WDR25: variants seen among roughly 807,000 people sequenced by gnomAD.
The protein encoded by WDR25 is WD repeat domain 25, also known as WD repeat-containing protein 25.
In WDR25, 35 loss-of-function variants were observed where a neutral mutation model predicts 47.7. The observed-to-expected ratio is 0.73, with a 90% CI of 0.56 to 0.97. The LOEUF (loss-of-function observed/expected upper bound fraction) is 0.97. Ranked by LOEUF, WDR25 falls within the 50% of genes least tolerant of loss-of-function variation. The pLI, the probability that WDR25 is intolerant of heterozygous loss-of-function variation, is 0.00. For synonymous variants in WDR25, 248 were observed against 278.9 expected (o/e 0.89, Z 1.10); for missense variants, 634 against 704.7 (o/e 0.90, Z 1.14).
intron 2 of WDR25, among the ~76,000 whole-genome samples, chr14:100,439,797 C>T (rs1898613438): frequency 6.6e-6 from 1 of 152,210 alleles, no homozygotes; most frequent in Non-Finnish European, 1.5e-5. Flanking sequence ...ATATTTTCTC[C>T]ATTCAATATA....
At chr14:100,473,527 G>A (rs985432593) in intron 3 of WDR25, among the ~76,000 whole-genome samples, 4 of 152,222 alleles carry the variant, frequency 2.6e-5, no homozygotes, top group African/African-American at 9.6e-5. Context: ...GGATAACATG[G>A]GGCCTCTGGG....
chr14:100,489,919 C>G (rs1328310694), intron 4 of WDR25, among the ~76,000 whole-genome samples: 1 of 152,168 alleles, frequency 6.6e-6, no homozygotes, highest in African/African-American at 2.4e-5. Context: ...TCCAGCATAC[C>G]CTGGTGTCAC....
chr14:100,457,705 A>C (rs899698547), intron 2 of WDR25, among the ~76,000 whole-genome samples: 3 of 152,242 alleles, frequency 2.0e-5, no homozygotes, highest in Non-Finnish European at 4.4e-5. Flanking sequence ...ACTTTCAATG[A>C]TGATTGACTG....
At chr14:100,429,377 G>A (rs1898262145) in intron 2 of WDR25, among the ~76,000 whole-genome samples, 1 of 152,180 alleles carries the variant, frequency 6.6e-6, no homozygotes, top group South Asian at 2.1e-4. Flanking sequence ...GTGAAAGAAA[G>A]AGGAGAAGAA....
intron 2 of WDR25, among the ~76,000 whole-genome samples, chr14:100,450,791 G>A (rs1306592266): frequency 2.6e-5 from 4 of 152,210 alleles, no homozygotes; most frequent in African/African-American, 9.6e-5. Context: ...TAAGAGAGTA[G>A]GAGCAGTCCA....
intron 4 of WDR25, among the ~76,000 whole-genome samples, chr14:100,522,723 C>T (rs183197328): frequency 6.5e-4 from 99 of 152,306 alleles, no homozygotes; most frequent in African/African-American, 2.2e-3. Context: ...GAAGAACAGA[C>T]GGAAGTTACT....
At chr14:100,504,867 T>A (rs1901060202) in intron 4 of WDR25, among the ~76,000 whole-genome samples, 1 of 152,206 alleles carries the variant, frequency 6.6e-6, no homozygotes, top group African/African-American at 2.4e-5. Context: ...GTCAGTTGCC[T>A]CACATTCTCA....
chr14:100,496,119 T>G (rs577338322), intron 4 of WDR25, among the ~76,000 whole-genome samples: 1 of 152,374 alleles, frequency 6.6e-6, no homozygotes, highest in African/African-American at 2.4e-5. Context: ...GCACTTGTTC[T>G]TACTTGTCTT....
intron 2 of WDR25, among the ~76,000 whole-genome samples, chr14:100,383,530 T>C (rs1404974722): frequency 1.3e-5 from 2 of 152,238 alleles, no homozygotes; most frequent in African/African-American, 4.8e-5. Context: ...ACCTGCCCGC[T>C]CACCTCTGGA....
Position 100,529,282 on chromosome 14 carries a change from C to T in WDR25, c.1413+74C>T, listed in dbSNP as rs1220378621. 3 of 1,592,754 alleles carry T rather than the reference C, an allele frequency of 1.9e-6. No homozygotes were observed. Among genetic ancestry groups the T allele is most frequent in the Admixed American group, 3.4e-5 (2 of 59,310 alleles). On this transcript the variant is annotated intron_variant, in intron 6 of 6. Transcript: ENST00000402312. The surrounding 1 kb of genome is among the most constrained non-coding windows in gnomAD (Gnocchi z 5.1). ...CCTCCTGGCAGTCCTGGACATGGGC[C>T]CTGGGGTGCATGGAGCCTCTGTCTG...
intron 2 of WDR25, among the ~76,000 whole-genome samples, chr14:100,416,473 C>T (rs568827262): frequency 6.6e-6 from 1 of 152,324 alleles, no homozygotes; most frequent in South Asian, 2.1e-4. Context: ...GATTTCTGTT[C>T]CTATCACAAA....
chr14:100,446,173 G>T lies in WDR25; in HGVS notation c.823-21848G>T, dbSNP rs1470322122. Among the ~76,000 whole-genome samples, 3 of 152,324 alleles carry T rather than the reference G, an allele frequency of 2.0e-5. No individual in the cohort carries two copies. In the East Asian group the frequency reaches 5.8e-4, roughly 29 times the overall value. ...TATAGAGGAGGAGCCTTCTGGCTTTGTGAGCTCCTGCCCCTGGGGTCCTGC... is the reference window on the plus strand; with the variant it reads ...TATAGAGGAGGAGCCTTCTGGCTTTTTGAGCTCCTGCCCCTGGGGTCCTGC... On this transcript the variant is annotated intron_variant, in intron 2 of 6. Coordinates refer to ENST00000402312, the MANE Select transcript of WDR25 (RefSeq NM_001161476.3).
intron 5 of WDR25, among the ~76,000 whole-genome samples, chr14:100,527,312 TCAC>T (rs754901503): frequency 8.6e-5 from 13 of 151,400 alleles, no homozygotes; most frequent in Admixed American, 1.3e-4. Context: ...ATTGTTATCA[TCAC>T]CACCACCACC....
chr14:100,429,511 C>A (rs945487721), intron 2 of WDR25, among the ~76,000 whole-genome samples: 2 of 152,250 alleles, frequency 1.3e-5, no homozygotes, highest in East Asian at 1.9e-4. Flanking sequence ...GGGGGAAGGC[C>A]TAGGCAGTCC....
At chr14:100,515,046 C>T (rs1901446477) in intron 4 of WDR25, among the ~76,000 whole-genome samples, 1 of 152,110 alleles carries the variant, frequency 6.6e-6, no homozygotes, top group Non-Finnish European at 1.5e-5. Context: ...CACTAGTTTG[C>T]TCTGTTTCCA....
intron 2 of WDR25, among the ~76,000 whole-genome samples, chr14:100,447,806 C>T (rs1294881810): frequency 2.6e-5 from 4 of 152,170 alleles, no homozygotes; most frequent in African/African-American, 9.7e-5. Context: ...TTGCTGTGTG[C>T]GTAGAGCTAT....
At chr14:100,484,857 C>A (rs1416671458) in intron 4 of WDR25, among the ~76,000 whole-genome samples, 3 of 152,218 alleles carry the variant, frequency 2.0e-5, no homozygotes, top group Non-Finnish European at 4.4e-5. Flanking sequence ...CCCATCTGAT[C>A]TCTCACTTTC....
At chr14:100,490,797 C>T (rs1900536607) in intron 4 of WDR25, among the ~76,000 whole-genome samples, 1 of 152,222 alleles carries the variant, frequency 6.6e-6, no homozygotes, top group African/African-American at 2.4e-5. Context: ...AAAGTGCCAT[C>T]AGTTTTGTGG....
chr14:100,476,366 A>G (rs1555393552), intron 3 of WDR25: 1 of 152,260 alleles, frequency 6.6e-6, no homozygotes, highest in Non-Finnish European at 1.5e-5. Context: ...GGCTAAATTT[A>G]TAGCTGGCTG....
Sources: allele counts gnomAD v4.1 joint callset (sites outside exome capture counted in the v4.1 genomes callset), GRCh38; gene constraint gnomAD v4.1.1; non-coding constraint Gnocchi (gnomAD v3.1); transcripts MANE v1.5; gene names NCBI Gene and HGNC (gene_info 2026-07-23, HGNC 2026-07-21).